ENPP2: variants seen among roughly 807,000 people sequenced by gnomAD.
ENPP2 encodes the protein ectonucleotide pyrophosphatase/phosphodiesterase 2, also known as autotaxin.
Under a neutral mutation model 120.2 loss-of-function variants are expected in ENPP2, and 51 were observed. The observed-to-expected ratio is 0.42, with a 90% CI of 0.34 to 0.54. ENPP2 has a LOEUF of 0.54. ENPP2 is among the 20% of genes least tolerant of loss of function. The pLI is 0.04. For synonymous variants in ENPP2, 365 were observed against 366.4 expected, an observed-to-expected ratio of 1.00 and a Z score of 0.04; for missense variants, 920 against 1,066.5, an observed-to-expected ratio of 0.86 and a Z score of 1.91.
At chr8:119,636,972 T>G (rs1355418732) in intron 2 of ENPP2, among the ~76,000 whole-genome samples, 1 of 152,118 alleles carries the variant, frequency 6.6e-6, no homozygotes, top group Non-Finnish European at 1.5e-5. Flanking sequence ...AATGAGTGAC[T>G]CAATTTTACA....
chr8:119,618,195 C>T, intron 5 of ENPP2: 1 of 409,026 alleles, frequency 2.4e-6, no homozygotes, highest in South Asian at 1.8e-5. Flanking sequence ...GCTATCAAGG[C>T]TGCCCTTTCT....
At chr8:119,643,470 A>G (rs1817342721), upstream of ENPP2, among the ~76,000 whole-genome samples, 1 of 152,260 alleles carries the variant, frequency 6.6e-6, no homozygotes, top group Admixed American at 6.5e-5. Context: ...TAATTGTTAC[A>G]CAGTCGAAAG....
At chr8:119,671,265 C>A (rs987579441) in intron 1 of ENPP2, among the ~76,000 whole-genome samples, 3 of 151,990 alleles carry the variant, frequency 2.0e-5, no homozygotes, top group African/African-American at 4.8e-5. Flanking sequence ...TGCGCCACTG[C>A]ACTCCAGTCT....
rs542034759 is a variant in ENPP2 at position 119,658,688 on chromosome 8, C to G, written c.21+14564G>C. Among the ~76,000 whole-genome samples, 3 of 152,226 alleles carry G rather than the reference C, an allele frequency of 2.0e-5. No homozygotes were observed. In the East Asian group the frequency reaches 5.8e-4, roughly 29 times the overall value. Reference sequence around the variant, plus strand: ...ATCCTTCTCTCCCCTATGCTTATGCCTTGAGCACTTACCCAACTCCTGACA... The same window carrying G: ...ATCCTTCTCTCCCCTATGCTTATGCGTTGAGCACTTACCCAACTCCTGACA... On this transcript the variant is annotated intron_variant, in intron 1 of 25. Transcript: ENST00000427067.
At chr8:119,642,176 G>C (rs1044243543), upstream of ENPP2, among the ~76,000 whole-genome samples, 31 of 152,160 alleles carry the variant, frequency 2.0e-4, no homozygotes, top group African/African-American at 7.2e-4. Flanking sequence ...GGGTTTAAAC[G>C]ACTTTTTGGT....
chr8:119,600,699 T>A lies in ENPP2; in HGVS notation c.951A>T (p.Lys317Asn). Residue 317 changes from lysine (K) to asparagine (N), a missense_variant, in exon 11 of 25, where the codon AAA becomes AAT. Transcript: ENST00000075322. Reference protein sequence around the residue: ...YSEQPDFSGHKYGPFGPEMTN... With the variant: ...YSEQPDFSGHNYGPFGPEMTN... ...TAACCTCAGGGCCGAAAGGGCCATA[T>A]TTGTGTCCAGAGAAATCAGGTTGCT... is the stretch of plus-strand genomic sequence containing the variant. 6.2e-7 allele frequency: 1 copy of A among 1,612,630 alleles called. No homozygotes were observed. The highest frequency in any genetic ancestry group is 8.5e-7 in the Non-Finnish European group (1 of 1,178,706).
At chr8:119,593,891 G>C in intron 11 of ENPP2, 31 bp from the exon 12 acceptor site, 1 of 1,268,670 alleles carries the variant, frequency 7.9e-7, no homozygotes, top group Non-Finnish European at 1.2e-6. Flanking sequence ...AGTCCCCACA[G>C]GGTTTTCTTT....
At chr8:119,650,411 C>T (rs148254827) in intron 1 of ENPP2, among the ~76,000 whole-genome samples, 6 of 152,132 alleles carry the variant, frequency 3.9e-5, no homozygotes, top group African/African-American at 1.2e-4. Flanking sequence ...GATGTTTGCA[C>T]GTCTCTGTAA....
intron 1 of ENPP2, among the ~76,000 whole-genome samples, chr8:119,651,192 G>A (rs1341647129): frequency 6.6e-6 from 1 of 152,138 alleles, no homozygotes; most frequent in Non-Finnish European, 1.5e-5. Flanking sequence ...ATAAAGAGGG[G>A]AAGGGCATTG....
chr8:119,557,616 G>A lies in ENPP2; in HGVS notation c.2497C>T (p.Leu833Phe). Reference protein sequence around the residue: ...HTARVRDIEHLTSLDFFRKTS... With the variant: ...HTARVRDIEHFTSLDFFRKTS... ...TTTCGGAAGAAGTCCAGGCTGGTGAGATGTTCAATGTCACGCACCCTAGCT... is the reference window on the plus strand; with the variant it reads ...TTTCGGAAGAAGTCCAGGCTGGTGAAATGTTCAATGTCACGCACCCTAGCT... Residue 833 changes from leucine to phenylalanine, a missense_variant, in exon 25 of 25, where the codon CTC becomes TTC. Leu to Phe is a conservative substitution (Grantham distance 22). Transcript: ENST00000075322. 1 of 1,612,116 alleles carries A rather than the reference G, an allele frequency of 6.2e-7. No homozygotes were observed. Among genetic ancestry groups the A allele is most frequent in the Non-Finnish European group, 8.5e-7 (1 of 1,179,636 alleles).
chr8:119,670,843 G>C (rs749721678), intron 1 of ENPP2, among the ~76,000 whole-genome samples: 1 of 152,198 alleles, frequency 6.6e-6, no homozygotes, highest in Non-Finnish European at 1.5e-5. Flanking sequence ...GAGGGAGTGA[G>C]TAGTAAGATA....
intron 8 of ENPP2, among the ~76,000 whole-genome samples, chr8:119,610,061 T>C (rs1051515982): frequency 6.6e-6 from 1 of 152,118 alleles, no homozygotes; most frequent in Non-Finnish European, 1.5e-5. Flanking sequence ...AGAGTGAAAA[T>C]GACAGGGTAT....
In ENPP2 at chr8:119,620,035, T is replaced by G. The variant is rs1815774886; in HGVS notation, c.419-731A>C. Among the ~76,000 whole-genome samples the G allele has an allele frequency of 2.0e-5, 3 of 152,156 alleles. No homozygotes were observed. In the South Asian group the frequency reaches 6.2e-4, roughly 31 times the overall value. ...GTAACCAACACATTGGAGAAATTGC[T>G]CCCATGTAAAGAGAACTGGAAATCT... On this transcript the variant is annotated intron_variant, in intron 4 of 24. Transcript: ENST00000075322.
Position 119,616,302 on chromosome 8 carries a change from C to T in ENPP2, c.740G>A (p.Arg247Gln), listed in dbSNP as rs377608124. Residue 247 changes from arginine (R) to glutamine (Q), a missense_variant, in exon 8 of 25, where the codon CGA (arginine) becomes CAA (glutamine). By Grantham distance (43) the Arg-to-Gln change is conservative (BLOSUM62 1). Coordinates refer to ENST00000075322, the MANE Select transcript of ENPP2 (RefSeq NM_001040092.3). Reference protein sequence around the residue: ...VFDATFHLRGREKFNHRWWGG... With the variant: ...VFDATFHLRGQEKFNHRWWGG... ...CCACCATCTATGATTAAATTTCTCT[C>T]GCCCTCGCAGATGAAAAGTGGCATC... 82 of 1,608,872 alleles carry T rather than the reference C, an allele frequency of 5.1e-5. 2 individuals carry two copies. The highest frequency in any genetic ancestry group is 1.2e-4 in the African/African-American group (9 of 74,854).
chr8:119,570,942 T>G, intron 19 of ENPP2, 101 bp from the exon 20 acceptor site: 18 of 661,304 alleles, frequency 2.7e-5, no homozygotes, highest in Non-Finnish European at 3.8e-5. Context: ...ATGGCTAGCT[T>G]ACTTATTATT....
chr8:119,647,709 G>A (rs543865157), intron 1 of ENPP2, among the ~76,000 whole-genome samples: 6 of 151,958 alleles, frequency 3.9e-5, no homozygotes, highest in Admixed American at 1.3e-4. Flanking sequence ...AGAGAATAAG[G>A]GTTTGGATTC....
At chr8:119,667,855 T>A (rs1280571408) in intron 1 of ENPP2, among the ~76,000 whole-genome samples, 1 of 152,212 alleles carries the variant, frequency 6.6e-6, no homozygotes, top group Non-Finnish European at 1.5e-5. Context: ...AGTAGGACAG[T>A]GTCATGCCAT....
intron 19 of ENPP2, among the ~76,000 whole-genome samples, chr8:119,575,396 A>G (rs1019634274): frequency 1.3e-5 from 2 of 152,142 alleles, no homozygotes; most frequent in South Asian, 2.1e-4. Flanking sequence ...TGAGAAGCTA[A>G]TGAGGACAGT....
Position 119,662,537 on chromosome 8 carries a change from G to A in ENPP2, c.21+10715C>T, listed in dbSNP as rs541008694. Reference sequence around the variant, plus strand: ...CAGCAGGTGTTCAAACAAGCCCTCCGGGTGATTCTGATGCAGCTGAAATTT... The same window carrying A: ...CAGCAGGTGTTCAAACAAGCCCTCCAGGTGATTCTGATGCAGCTGAAATTT... On this transcript the variant is annotated intron_variant, in intron 1 of 25. Transcript: ENST00000427067. Among the ~76,000 whole-genome samples, 9 of 152,208 alleles carry A rather than the reference G, an allele frequency of 5.9e-5. No homozygotes were observed. In the South Asian group the frequency reaches 8.3e-4, roughly 14 times the overall value.
Sources: allele counts gnomAD v4.1 joint callset (sites outside exome capture counted in the v4.1 genomes callset), GRCh38; gene constraint gnomAD v4.1.1; transcripts MANE v1.5; gene names NCBI Gene and HGNC (gene_info 2026-07-23, HGNC 2026-07-21).